The following RYR1 variants were observed in gnomAD, a reference collection of about 807,000 sequenced individuals.
RYR1 encodes the protein ryanodine receptor 1.
In RYR1, 342 loss-of-function variants were observed where a neutral mutation model predicts 583.5. The observed-to-expected ratio is 0.59, with a 90% CI of 0.54 to 0.64. The LOEUF (loss-of-function observed/expected upper bound fraction) is 0.64, where lower values mean the gene tolerates loss of function less well. Ranked by LOEUF, RYR1 falls within the 30% of genes least tolerant of loss-of-function variation. The pLI, the probability that RYR1 is intolerant of heterozygous loss-of-function variation, is 0.00. For missense variants in RYR1, 6,032 were observed against 6,917.2 expected, an observed-to-expected ratio of 0.87 and a Z score of 4.54; for synonymous variants, 2,791 against 2,822.5, an observed-to-expected ratio of 0.99 and a Z score of 0.35.
chr19:38,581,280 T>C (rs528857260), intron 101 of RYR1, among the ~76,000 whole-genome samples: 84 of 152,246 alleles, frequency 5.5e-4, no homozygotes, highest in Non-Finnish European at 9.0e-4. Context: ...GGTTTCACCA[T>C]GTTAGCCAGG....
At chr19:38,577,844 A>G in intron 97 of RYR1, 74 bp from the exon 98 acceptor site, 3 of 1,597,882 alleles carry the variant, frequency 1.9e-6, no homozygotes, top group Non-Finnish European at 1.7e-6. Flanking sequence ...GAGTGTCCCC[A>G]GAACCCCCTT....
intron 89 of RYR1, among the ~76,000 whole-genome samples, chr19:38,555,436 G>A (rs536103254): frequency 1.1e-3 from 158 of 142,034 alleles, no homozygotes; most frequent in Non-Finnish European, 1.9e-3. Context: ...AACAGAGTGA[G>A]ACCCTGCCTC....
At chr19:38,455,889 A>G (rs966883226) in intron 16 of RYR1, 138 bp downstream of exon 16, 1 of 700,166 alleles carries the variant, frequency 1.4e-6, no homozygotes, top group Non-Finnish European at 2.6e-6. Context: ...ACTGGCTTTC[A>G]TCTCCACACA....
At chr19:38,583,742 C>T (rs550251496) in intron 101 of RYR1, among the ~76,000 whole-genome samples, 2 of 152,066 alleles carry the variant, frequency 1.3e-5, no homozygotes, top group Non-Finnish European at 2.9e-5. Flanking sequence ...GCCCTTTGCA[C>T]CTGATGTTCT....
chr19:38,448,255 G>T (rs772284216), intron 9 of RYR1, 100 bp from the exon 10 acceptor site: 14 of 1,350,934 alleles, frequency 1.0e-5, no homozygotes, highest in Non-Finnish European at 1.4e-5. Flanking sequence ...AACATAGCAA[G>T]ACCTGGTTTC....
At chr19:38,510,012 A>G (rs1420196103) in intron 58 of RYR1, among the ~76,000 whole-genome samples, 1 of 152,172 alleles carries the variant, frequency 6.6e-6, no homozygotes, top group Non-Finnish European at 1.5e-5. Flanking sequence ...CAGCTTCAGA[A>G]AGGGTTTGAT....
At chr19:38,566,790 G>T (rs1973458450) in intron 91 of RYR1, 121 bp from the exon 92 acceptor site, 1 of 1,518,672 alleles carries the variant, frequency 6.6e-7, no homozygotes, top group African/African-American at 1.4e-5. Flanking sequence ...TCTGGTGGAG[G>T]GAAGTGTAAA....
At chr19:38,502,244 A>G (rs985295761) in intron 47 of RYR1, among the ~76,000 whole-genome samples, 1 of 152,156 alleles carries the variant, frequency 6.6e-6, no homozygotes, top group African/African-American at 2.4e-5. Flanking sequence ...AGAAGAGCCA[A>G]ATCTGTAATG....
chr19:38,580,219 A>T (rs1974136816), intron 100 of RYR1, 91 bp downstream of exon 100: 1 of 1,600,062 alleles, frequency 6.2e-7, no homozygotes, highest in African/African-American at 1.3e-5. Flanking sequence ...AGCTGGGCTG[A>T]GGAGGGGCAA....
chr19:38,580,174 C>T (rs749949671), intron 100 of RYR1, 46 bp downstream of exon 100: 17 of 1,613,094 alleles, frequency 1.1e-5, no homozygotes, highest in Admixed American at 1.0e-4. Flanking sequence ...CAGGGACCAG[C>T]GTGGCAGTGG....
chr19:38,507,055 C>A, intron 57 of RYR1, 103 bp downstream of exon 57: 1 of 1,556,912 alleles, frequency 6.4e-7, no homozygotes. Context: ...AGGAACGGGG[C>A]CTGAGGAGCA....
At chr19:38,493,857 AC>A (rs796252910) in intron 38 of RYR1, among the ~76,000 whole-genome samples, 5 of 152,202 alleles carry the variant, frequency 3.3e-5, no homozygotes, top group African/African-American at 9.6e-5. Context: ...TGGGATTGTG[AC>A]ATGTGCCTTC....
chr19:38,483,471 A>G lies in RYR1; in HGVS notation c.4889A>G (p.Gln1630Arg), dbSNP rs866741447. The G allele has an allele frequency of 6.4e-7, 1 of 1,564,160 alleles. No homozygotes were observed. Among genetic ancestry groups the G allele is most frequent in the Non-Finnish European group, 8.6e-7 (1 of 1,158,348 alleles). ...GERLGWAVQC[Q>R]EPLTMMALHI... ...CGGCTGGGCTGGGCCGTGCAGTGCC[A>G]GGAGCCGCTGACCATGATGGCGCTG... Residue 1630 changes from glutamine (Q) to arginine (R), a missense_variant, in exon 33 of 106, where the codon CAG (glutamine) becomes CGG (arginine). Physicochemically the swap from Gln to Arg is conservative, Grantham distance 43. Transcript: ENST00000359596. This position sits in a 1 kb window ranked among gnomAD's most constrained non-coding sequence, Gnocchi z 6.3.
In RYR1 at chr19:38,499,998, C is replaced by T. The variant is rs1970033831; in HGVS notation, c.7305C>T (p.Arg2435=). 3.7e-6 allele frequency: 6 copies of T among 1,614,034 alleles called. No individual in the cohort carries two copies. The African/African-American group carries it at 5.3e-5, about 14-fold the overall frequency. Residue 2435 remains arginine, a synonymous_variant, in exon 45 of 106, where the codon CGC becomes CGT. Transcript: ENST00000359596. The surrounding 1 kb of genome is among the most constrained non-coding windows in gnomAD (Gnocchi z 7.3). The part of the protein sequence containing the change: ...FYAALIDLLG[R]CAPEMHLIQA... ...CCGCCTTGATCGACCTGCTCGGACG[C>T]TGTGCACCAGAGATGCATGTGAGAC...
chr19:38,513,240 G>C (rs995321003), intron 63 of RYR1, among the ~76,000 whole-genome samples: 4 of 152,180 alleles, frequency 2.6e-5, no homozygotes, highest in Non-Finnish European at 5.9e-5. Context: ...GGGAGGCTGA[G>C]GCAGGAGAAT....
At chr19:38,449,463 G>GAAAAAC (rs1966965070) in intron 11 of RYR1, among the ~76,000 whole-genome samples, 1 of 152,054 alleles carries the variant, frequency 6.6e-6, no homozygotes, top group African/African-American at 2.4e-5. Flanking sequence ...CTCCGTCTCA[G>GAAAAAC]AAAAACAAAA....
intron 31 of RYR1, 116 bp downstream of exon 31, chr19:38,478,716 C>A: frequency 8.0e-7 from 1 of 1,251,526 alleles, no homozygotes; most frequent in Non-Finnish European, 1.1e-6. Context: ...AGCTCCTAGG[C>A]TGTCCTCAAG....
rs1970177409 is a variant in RYR1 at position 38,502,566 on chromosome 19, G to A, written c.7674G>A (p.Val2558=). The part of the protein sequence containing the change: ...LALNRYLCLA[V]LPLITKCAPL... The stretch of plus-strand genomic sequence containing the variant: ...TGAACCGCTACCTGTGCCTGGCCGT[G>A]CTGCCGCTCATCACCAAGTGTGCGC... Residue 2558 remains valine, a synonymous_variant, in exon 48 of 106, where the codon GTG becomes GTA. Transcript: ENST00000359596. 6.2e-7 allele frequency: 1 copy of A among 1,611,886 alleles called. No individual in the cohort carries two copies. The highest frequency in any genetic ancestry group is 1.3e-5 in the African/African-American group (1 of 74,838).
intron 60 of RYR1, 76 bp from the exon 61 acceptor site, chr19:38,511,485 G>A: frequency 6.9e-7 from 1 of 1,457,580 alleles, no homozygotes; most frequent in Non-Finnish European, 9.6e-7. Context: ...TCCTCTAATT[G>A]GGTCACGCTG....
Sources: gnomAD v4.1 joint callset for allele counts (sites outside exome capture counted in the v4.1 genomes callset) on GRCh38, gnomAD v4.1.1 for gene constraint, Gnocchi (gnomAD v3.1) non-coding constraint, MANE v1.5 for transcripts, NCBI Gene and HGNC (gene_info 2026-07-23, HGNC 2026-07-21) for gene names.